CDYL2: variants seen among roughly 807,000 people sequenced by gnomAD.
The protein encoded by CDYL2 is chromodomain Y-like protein 2.
CDYL2 carries 23 observed loss-of-function variants against 49.4 expected under a neutral mutation model. That is an observed-to-expected ratio of 0.47 (90% CI 0.34 to 0.66). The LOEUF is 0.66. Among genes scored for constraint, CDYL2 ranks in the 30% least tolerant of loss-of-function variants. The probability of loss-of-function intolerance (pLI) is 0.01; values close to 1 mark genes in which losing one functional copy is unlikely to be tolerated. For missense variants in CDYL2, 678 were observed against 656.4 expected, an observed-to-expected ratio of 1.03 and a Z score of -0.36; for synonymous variants, 360 against 268.8, an observed-to-expected ratio of 1.34 and a Z score of -3.32.
chr16:80,767,027 G>A (rs192596670), intron 1 of CDYL2, among the ~76,000 whole-genome samples: 261 of 152,194 alleles, frequency 1.7e-3, no homozygotes, highest in Non-Finnish European at 2.6e-3. Flanking sequence ...TGCTGACACT[G>A]GTCATTGCAG....
At chr16:80,664,427 G>A (rs1405257801) in intron 2 of CDYL2, among the ~76,000 whole-genome samples, 2 of 152,228 alleles carry the variant, frequency 1.3e-5, no homozygotes, top group Non-Finnish European at 2.9e-5. Context: ...GGTGTCCTGG[G>A]CCTTCCTGAG....
chr16:80,679,443 T>C (rs1018300540), intron 2 of CDYL2, among the ~76,000 whole-genome samples: 6 of 152,236 alleles, frequency 3.9e-5, no homozygotes, highest in Admixed American at 2.0e-4. Context: ...AGGCCAGCTC[T>C]ATAGTTAAAT....
At chr16:80,651,032 G>C (rs1158285649) in intron 2 of CDYL2, among the ~76,000 whole-genome samples, 2 of 152,006 alleles carry the variant, frequency 1.3e-5, no homozygotes, top group African/African-American at 4.8e-5. Context: ...CAATGAATAA[G>C]ACCTAGTATA....
intron 1 of CDYL2, among the ~76,000 whole-genome samples, chr16:80,787,822 T>C (rs1235751782): frequency 6.6e-6 from 1 of 152,226 alleles, no homozygotes; most frequent in Admixed American, 6.5e-5. Flanking sequence ...GAACATATTA[T>C]CTTAATTTTA....
rs543346322 is a variant in CDYL2, at chr16:80,648,165, TGG to T, written c.617-14931_617-14930del. Among the ~76,000 whole-genome samples, 134 of 145,952 alleles carry T rather than the reference TGG, an allele frequency of 9.2e-4. 2 individuals carry two copies. The East Asian group carries it at 0.026, about 28-fold the overall frequency. On this transcript the variant is annotated intron_variant, in intron 2 of 6. Transcript: ENST00000570137. Reference sequence around the variant, plus strand: ...ATGAAAAAAATAATAAAGATCAGAGTGGAAATAGATAAAATTGAAAAGAAGAA... The same window carrying T: ...ATGAAAAAAATAATAAAGATCAGAGTAAATAGATAAAATTGAAAAGAAGAA...
chr16:80,611,580 G>A (rs1400640567), intron 5 of CDYL2, among the ~76,000 whole-genome samples: 1 of 152,174 alleles, frequency 6.6e-6, no homozygotes, highest in African/African-American at 2.4e-5. Context: ...CCCCTCAGAT[G>A]TGGGACCTAT....
At chr16:80,716,563 T>C (rs1904807010) in intron 1 of CDYL2, among the ~76,000 whole-genome samples, 1 of 151,428 alleles carries the variant, frequency 6.6e-6, no homozygotes, top group South Asian at 2.1e-4. Context: ...TGATAATGGA[T>C]AGATGACTGA....
At chr16:80,705,392 A>G (rs146108343) in intron 1 of CDYL2, among the ~76,000 whole-genome samples, 1 of 152,336 alleles carries the variant, frequency 6.6e-6, no homozygotes, top group East Asian at 1.9e-4. Flanking sequence ...ATGCAAACTT[A>G]CTGACCCCAA....
chr16:80,641,412 G>A (rs1414440659), intron 2 of CDYL2, among the ~76,000 whole-genome samples: 2 of 152,018 alleles, frequency 1.3e-5, no homozygotes, highest in African/African-American at 2.4e-5. Flanking sequence ...CAAACATGAA[G>A]GGGGAATAAA....
intron 3 of CDYL2, among the ~76,000 whole-genome samples, chr16:80,626,746 G>A (rs1438230141): frequency 2.0e-5 from 3 of 152,226 alleles, no homozygotes; most frequent in Non-Finnish European, 2.9e-5. Flanking sequence ...CATCATCACG[G>A]TGTATGGAAG....
chr16:80,669,873 G>C (rs1909427989), intron 2 of CDYL2, among the ~76,000 whole-genome samples: 1 of 152,198 alleles, frequency 6.6e-6, no homozygotes, highest in South Asian at 2.1e-4. Flanking sequence ...TGCACACCAT[G>C]AGGGTCTTGA....
intron 2 of CDYL2, among the ~76,000 whole-genome samples, chr16:80,679,573 A>T (rs1309606896): frequency 6.6e-6 from 1 of 152,224 alleles, no homozygotes; most frequent in Non-Finnish European, 1.5e-5. Flanking sequence ...AGGATCACAC[A>T]AGGTACTTTG....
intron 1 of CDYL2, among the ~76,000 whole-genome samples, chr16:80,703,129 C>T (rs1169061834): frequency 6.6e-6 from 1 of 152,128 alleles, no homozygotes; most frequent in Non-Finnish European, 1.5e-5. Context: ...AGAATATGCA[C>T]ATACACACAC....
chr16:80,721,783 G>C (rs1019721897), intron 1 of CDYL2, among the ~76,000 whole-genome samples: 15 of 152,216 alleles, frequency 9.9e-5, no homozygotes, highest in African/African-American at 2.4e-5. Flanking sequence ...AGAAGATACA[G>C]CTGCTCTGTC....
rs13339525 is a variant in CDYL2, at chr16:80,768,839, T to C, written c.24+35311A>G. ...TCTTTCAATGTTTCAGTCTTCATATTTGTAAAAGATGCTTTAGGATTAGAA... is the reference window on the plus strand; with the variant it reads ...TCTTTCAATGTTTCAGTCTTCATATCTGTAAAAGATGCTTTAGGATTAGAA... On this transcript the variant is annotated intron_variant, in intron 1 of 6. Transcript: ENST00000570137. Among the ~76,000 whole-genome samples, 521 of 152,344 alleles carry C rather than the reference T, an allele frequency of 3.4e-3. 2 individuals are homozygous for C. The highest frequency in any genetic ancestry group is 0.011 in the African/African-American group (447 of 41,566).
At chr16:80,764,653 A>G (rs1437535027) in intron 1 of CDYL2, among the ~76,000 whole-genome samples, 1 of 152,212 alleles carries the variant, frequency 6.6e-6, no homozygotes, top group East Asian at 1.9e-4. Flanking sequence ...ACTAGCATCA[A>G]TGGTATCTAA....
intron 1 of CDYL2, among the ~76,000 whole-genome samples, chr16:80,780,091 T>C (rs1251511870): frequency 6.6e-6 from 1 of 152,126 alleles, no homozygotes; most frequent in Non-Finnish European, 1.5e-5. Context: ...AAAACAATCT[T>C]ATAAAGAAAG....
At chr16:80,647,197 A>G (rs1908388547) in intron 2 of CDYL2, among the ~76,000 whole-genome samples, 1 of 152,202 alleles carries the variant, frequency 6.6e-6, no homozygotes, top group Non-Finnish European at 1.5e-5. Flanking sequence ...TACTGATGAA[A>G]GAAATTGAAG....
At chr16:80,786,192 G>T (rs1048131616) in intron 1 of CDYL2, among the ~76,000 whole-genome samples, 1 of 152,168 alleles carries the variant, frequency 6.6e-6, no homozygotes, top group African/African-American at 2.4e-5. Context: ...CACAATGGGA[G>T]AAAATTTTTG....
Sources: gnomAD v4.1 joint callset for allele counts (sites outside exome capture counted in the v4.1 genomes callset) on GRCh38, gnomAD v4.1.1 for gene constraint, MANE v1.5 for transcripts, NCBI Gene and HGNC (gene_info 2026-07-23, HGNC 2026-07-21) for gene names.